The following CELF2 variants were observed in gnomAD, a reference collection of about 807,000 sequenced individuals.
CELF2 encodes CUG triplet repeat RNA-binding protein 2.
A neutral mutation model predicts 62.6 loss-of-function variants in CELF2; 8 were observed. The ratio of observed to expected loss-of-function variants is 0.13; its 90% CI spans 0.07 to 0.23. The LOEUF is 0.23. Among genes scored for constraint, CELF2 ranks in the 10% least tolerant of loss-of-function variants. The pLI, the probability that CELF2 is intolerant of heterozygous loss-of-function variation, is 1.00. For missense variants in CELF2, 333 were observed against 671.0 expected (o/e 0.50, Z 5.56); for synonymous variants, 258 against 250.0 (o/e 1.03, Z -0.30).
intron 3 of CELF2, among the ~76,000 whole-genome samples, chr10:11,228,400 C>A (rs1006727887): frequency 6.6e-6 from 1 of 152,144 alleles, no homozygotes; most frequent in Non-Finnish European, 1.5e-5. Context: ...GCCTATTGTT[C>A]TACATTCAAG....
At chr10:10,801,059 A>C (rs2054609724) in intron 1 of CELF2, among the ~76,000 whole-genome samples, 1 of 129,106 alleles carries the variant, frequency 7.7e-6, no homozygotes, top group Admixed American at 7.9e-5. Flanking sequence ...AATGATCTCA[A>C]GTCTTAACCC....
chr10:11,188,385 G>A lies in CELF2; in HGVS notation c.271+22703G>A, dbSNP rs368536819. Among the ~76,000 whole-genome samples the A allele has an allele frequency of 3.5e-4, 53 of 152,306 alleles. No homozygotes were observed. The East Asian group carries it at 8.9e-3, about 25-fold the overall frequency. On this transcript the variant is annotated intron_variant, in intron 2 of 12. Transcript: ENST00000633077. ...CTCCCAAAGTGGCGGGATTACAGGC[G>A]TGAGTCACCACGCCCAGACTGAAGT...
At chr10:10,662,673 G>A in the CELF2 span, among the ~76,000 whole-genome samples, 1 of 150,020 alleles carries the variant, frequency 6.7e-6, no homozygotes, top group Non-Finnish European at 1.5e-5. Context: ...CTTTCTTTAA[G>A]GAAAATTTTA....
chr10:10,650,003 T>A, the CELF2 span, among the ~76,000 whole-genome samples: 9 of 152,096 alleles, frequency 5.9e-5, no homozygotes, highest in Admixed American at 5.2e-4. Context: ...ATCTGCTCAT[T>A]CTGTGTGGAT....
At chr10:11,065,203 C>T (rs1467659039) in intron 1 of CELF2, among the ~76,000 whole-genome samples, 3 of 152,140 alleles carry the variant, frequency 2.0e-5, no homozygotes, top group Non-Finnish European at 4.4e-5. Context: ...TTTCTGGTGG[C>T]CACGAGTTTG....
intron 2 of CELF2, among the ~76,000 whole-genome samples, chr10:10,999,227 G>A (rs1056560659): frequency 2.0e-5 from 3 of 152,166 alleles, no homozygotes; most frequent in African/African-American, 7.2e-5. Context: ...CAGGAAGAAT[G>A]CTTCGTGAAG....
rs1321183770 is a variant in CELF2 at position 11,316,254 on chromosome 10, A to G, written c.1096+1996A>G. 1.3e-5 allele frequency among the ~76,000 whole-genome samples: 2 copies of G among 152,248 alleles called. No homozygotes were observed. The highest frequency in any genetic ancestry group is 1.5e-5 in the Non-Finnish European group (1 of 68,050). On this transcript the variant is annotated intron_variant, in intron 10 of 12. Transcript: ENST00000633077. This position sits in a 1 kb window ranked among gnomAD's most constrained non-coding sequence, Gnocchi z 4.4. ...TCTGTATAGTTCATAGAAAACGAAG[A>G]AAGAATGTTTGTCATTTCAAATAAC... is the stretch of plus-strand genomic sequence containing the variant.
rs377362240 is a variant in CELF2, at chr10:11,179,414, A to G, written c.271+13732A>G. On this transcript the variant is annotated intron_variant, in intron 2 of 12. Transcript: ENST00000633077. ...TTTACATCGCTTGCTGAAGGACTGT[A>G]TCTTGTGTGTCTCTGAAATTTGCGT... is the stretch of plus-strand genomic sequence containing the variant. Among the ~76,000 whole-genome samples the G allele has an allele frequency of 4.6e-5, 7 of 152,362 alleles. No homozygotes were observed. The East Asian group carries it at 9.6e-4, about 21-fold the overall frequency.
At chr10:10,476,829 A>C in the CELF2 span, among the ~76,000 whole-genome samples, 3 of 152,126 alleles carry the variant, frequency 2.0e-5, no homozygotes, top group Non-Finnish European at 4.4e-5. Flanking sequence ...TTAGCAAACT[A>C]TCAGTGTTGG....
intron 1 of CELF2, among the ~76,000 whole-genome samples, chr10:10,799,343 G>T (rs576226008): frequency 1.3e-5 from 2 of 152,200 alleles, no homozygotes; most frequent in East Asian, 3.9e-4. Flanking sequence ...AATTAGCCAG[G>T]TGTGGTGGTG....
the CELF2 span, among the ~76,000 whole-genome samples, chr10:10,721,627 A>G: frequency 1.3e-5 from 2 of 152,232 alleles, no homozygotes; most frequent in Non-Finnish European, 2.9e-5. Flanking sequence ...ATTTTTAGGA[A>G]GGATTTGCAT....
At chr10:10,955,463 T>G (rs1489229218) in intron 2 of CELF2, among the ~76,000 whole-genome samples, 8 of 152,176 alleles carry the variant, frequency 5.3e-5, no homozygotes, top group Non-Finnish European at 1.0e-4. Flanking sequence ...ATCTCAGAGC[T>G]CCTTGAGTGA....
rs959973257 is a variant in CELF2, at chr10:11,321,932, A to T, written c.1294+546A>T. On this transcript the variant is annotated intron_variant, in intron 11 of 12. Transcript: ENST00000633077. The surrounding 1 kb of genome is among the most constrained non-coding windows in gnomAD (Gnocchi z 6.2). ...CAGGAAAGTTGATCACCTTTCTTGC[A>T]ATCCCCAAATATCCTCTCACTGCTC... is the stretch of plus-strand genomic sequence containing the variant. Among the ~76,000 whole-genome samples the T allele has an allele frequency of 6.6e-6, 1 of 152,198 alleles. No individual in the cohort carries two copies. The highest frequency in any genetic ancestry group is 1.5e-5 in the Non-Finnish European group (1 of 68,040).
chr10:10,928,919 G>A lies in CELF2; in HGVS notation c.89+8920G>A, dbSNP rs183651267. 1.4e-4 allele frequency among the ~76,000 whole-genome samples: 22 copies of A among 152,290 alleles called. No homozygotes were observed. The highest frequency in any genetic ancestry group is 5.8e-4 in the East Asian group (3 of 5,184). On this transcript the variant is annotated intron_variant, in intron 2 of 13. Transcript: ENST00000636488. This position sits in a 1 kb window ranked among gnomAD's most constrained non-coding sequence, Gnocchi z 4.8. ...TAAATATTTGCATAAGTGTTTGACC[G>A]TCTGAATAGATGTTTAAATGAATTA...
chr10:10,996,812 T>C (rs1224191733), intron 2 of CELF2, among the ~76,000 whole-genome samples: 1 of 152,152 alleles, frequency 6.6e-6, no homozygotes, highest in Admixed American at 6.5e-5. Context: ...TCTCTTCCAC[T>C]GCAGTATCAT....
At chr10:10,988,608 C>T (rs578112339) in intron 2 of CELF2, among the ~76,000 whole-genome samples, 7 of 152,020 alleles carry the variant, frequency 4.6e-5, no homozygotes, top group Non-Finnish European at 8.8e-5. Flanking sequence ...CAGAAATCAT[C>T]ACTAAATAAC....
rs1261308106 is a variant in CELF2 at position 11,255,423 on chromosome 10, C to G, written c.404-2315C>G. Among the ~76,000 whole-genome samples the G allele has an allele frequency of 1.3e-5, 2 of 152,170 alleles. No individual in the cohort carries two copies. The highest frequency in any genetic ancestry group is 1.9e-4 in the East Asian group (1 of 5,184). ...TTTCCGCCATCCACCCAAGCCAGGT[C>G]CCTACTGCCCCGCACTGTGCACCTT... On this transcript the variant is annotated intron_variant, in intron 4 of 12. Transcript: ENST00000633077. This position sits in a 1 kb window ranked among gnomAD's most constrained non-coding sequence, Gnocchi z 5.5.
At chr10:10,803,318 C>G (rs973421056) in intron 1 of CELF2, among the ~76,000 whole-genome samples, 2 of 152,214 alleles carry the variant, frequency 1.3e-5, no homozygotes, top group African/African-American at 4.8e-5. Context: ...CCCATCTGGC[C>G]TGACCCTTAT....
intron 1 of CELF2, among the ~76,000 whole-genome samples, chr10:10,879,599 C>T (rs570010056): frequency 6.6e-6 from 1 of 152,286 alleles, no homozygotes; most frequent in East Asian, 1.9e-4. Flanking sequence ...TGAAAGCTCT[C>T]TAGGAAAATA....
Sources: gnomAD v4.1 joint callset for allele counts (sites outside exome capture counted in the v4.1 genomes callset) on GRCh38, gnomAD v4.1.1 for gene constraint, Gnocchi (gnomAD v3.1) non-coding constraint, MANE v1.5 for transcripts, NCBI Gene and HGNC (gene_info 2026-07-23, HGNC 2026-07-21) for gene names.